PLXDC2: variants seen among roughly 807,000 people sequenced by gnomAD.
The protein encoded by PLXDC2 is plexin domain containing 2, also known as plexin domain-containing protein 2.
Under a neutral mutation model 68.9 loss-of-function variants are expected in PLXDC2, and 40 were observed. The observed-to-expected ratio is 0.58, with a 90% CI of 0.45 to 0.76. PLXDC2 has a LOEUF of 0.76. Among genes scored for constraint, PLXDC2 ranks in the 30% least tolerant of loss-of-function variants. PLXDC2 has a pLI of 0.00. For missense variants in PLXDC2, 644 were observed against 661.9 expected (o/e 0.97, Z 0.30); for synonymous variants, 243 against 234.2 (o/e 1.04, Z -0.34).
chr10:20,023,606 G>A (rs1244004027), intron 2 of PLXDC2, among the ~76,000 whole-genome samples: 2 of 151,896 alleles, frequency 1.3e-5, no homozygotes, highest in Non-Finnish European at 2.9e-5. Flanking sequence ...ATCAAATGCT[G>A]CCCCTTCCAT....
At position 20,180,041 on chromosome 10, in the gene PLXDC2, C is replaced by G. The variant is rs181582449; in HGVS notation, c.1061+2632C>G. ...GTAGACATATTACTGAAAAATAAAT[C>G]TTTCCTAGTTGATACCACAAGAAAG... On this transcript the variant is annotated intron_variant, in intron 9 of 13. Transcript: ENST00000377252. Among the ~76,000 whole-genome samples, 3 of 151,986 alleles carry G rather than the reference C, an allele frequency of 2.0e-5. No homozygotes were observed. In the East Asian group the frequency reaches 5.9e-4, roughly 30 times the overall value.
At chr10:19,852,612 T>C (rs1196649058) in intron 1 of PLXDC2, among the ~76,000 whole-genome samples, 1 of 152,150 alleles carries the variant, frequency 6.6e-6, no homozygotes, top group African/African-American at 2.4e-5. Context: ...CCACCTCATA[T>C]TCCACAAAGT....
chr10:20,016,776 G>A (rs771783321), intron 2 of PLXDC2, among the ~76,000 whole-genome samples: 1 of 152,196 alleles, frequency 6.6e-6, no homozygotes, highest in Non-Finnish European at 1.5e-5. Flanking sequence ...TGTCTTGGAT[G>A]AGTTACAGAC....
intron 1 of PLXDC2, among the ~76,000 whole-genome samples, chr10:19,989,693 A>T (rs142065818): frequency 2.4e-3 from 367 of 151,894 alleles, no homozygotes; most frequent in African/African-American, 8.2e-3. Flanking sequence ...TTATATTTTT[A>T]AAAAAGTATT....
At chr10:20,244,368 T>C (rs963020973) in intron 12 of PLXDC2, among the ~76,000 whole-genome samples, 3 of 152,186 alleles carry the variant, frequency 2.0e-5, no homozygotes, top group African/African-American at 4.8e-5. Context: ...ATTCCTCCCT[T>C]TGCTAATTCA....
chr10:20,171,846 G>C (rs1294864911), intron 7 of PLXDC2, among the ~76,000 whole-genome samples: 1 of 151,892 alleles, frequency 6.6e-6, no homozygotes, highest in African/African-American at 2.4e-5. Flanking sequence ...GCAGTGGCTC[G>C]TGCCTGTAAT....
At chr10:20,027,731 A>C (rs1343765339) in intron 2 of PLXDC2, among the ~76,000 whole-genome samples, 1 of 152,074 alleles carries the variant, frequency 6.6e-6, no homozygotes, top group East Asian at 1.9e-4. Context: ...CATCAAATCA[A>C]TGCAGCAGAA....
At chr10:20,150,835 T>C (rs1490205403) in intron 6 of PLXDC2, among the ~76,000 whole-genome samples, 2 of 152,212 alleles carry the variant, frequency 1.3e-5, no homozygotes, top group Non-Finnish European at 2.9e-5. Context: ...TTCTCTGTTC[T>C]TGGTTGGTAT....
intron 4 of PLXDC2, among the ~76,000 whole-genome samples, chr10:20,118,125 CA>C (rs776781030): frequency 0.026 from 4,008 of 151,994 alleles, 76 homozygotes; most frequent in South Asian, 0.071. Context: ...CACACACACA[CA>C]CACACACACA....
intron 1 of PLXDC2, among the ~76,000 whole-genome samples, chr10:19,981,029 A>G (rs558209590): frequency 6.6e-6 from 1 of 152,288 alleles, no homozygotes; most frequent in South Asian, 2.1e-4. Context: ...GTGCTTAATG[A>G]TTTTTGTGAC....
At chr10:20,188,579 G>A (rs908957607) in intron 9 of PLXDC2, among the ~76,000 whole-genome samples, 5 of 151,652 alleles carry the variant, frequency 3.3e-5, no homozygotes, top group Non-Finnish European at 7.4e-5. Flanking sequence ...GATCTTGTAT[G>A]TCTGAGCTAA....
chr10:19,925,990 T>C (rs1157334590), intron 1 of PLXDC2, among the ~76,000 whole-genome samples: 3 of 152,202 alleles, frequency 2.0e-5, no homozygotes, highest in Non-Finnish European at 2.9e-5. Context: ...GCTCAATGTA[T>C]CCACATGGAG....
At chr10:20,088,225 C>T (rs1833227085) in intron 4 of PLXDC2, among the ~76,000 whole-genome samples, 1 of 152,114 alleles carries the variant, frequency 6.6e-6, no homozygotes, top group Non-Finnish European at 1.5e-5. Context: ...CCTAATGCTG[C>T]AATTTCTGTG....
At chr10:20,014,358 CCTTCCTTCCTTCCTTCCTTCCTTG>C (rs1318983187) in intron 2 of PLXDC2, among the ~76,000 whole-genome samples, 24 of 67,316 alleles carry the variant, frequency 3.6e-4, no homozygotes, top group Admixed American at 5.1e-4. Context: ...CCTTCCCTTT[CCTTCCTTCCTTCCTTCCTTCCTTG>C]CTTCCTTCCT....
intron 1 of PLXDC2, among the ~76,000 whole-genome samples, chr10:19,855,097 C>T (rs1837188434): frequency 6.6e-6 from 1 of 152,182 alleles, no homozygotes; most frequent in East Asian, 1.9e-4. Context: ...ATATATCCAA[C>T]AAGCCTAGAA....
At chr10:20,219,161 T>G in intron 12 of PLXDC2, 59 bp downstream of exon 12, 1 of 1,535,028 alleles carries the variant, frequency 6.5e-7, no homozygotes, top group Non-Finnish European at 8.9e-7. Flanking sequence ...ATTTCATTTA[T>G]TTTACTATGA....
rs869124443 is a variant in PLXDC2 at position 19,994,312 on chromosome 10, A to ATTTTTTTTTTTT, written c.113-7446_113-7435dup. 2.7e-3 allele frequency among the ~76,000 whole-genome samples: 94 copies of ATTTTTTTTTTTT among 34,320 alleles called. 1 individual carries two copies. The highest frequency in any genetic ancestry group is 3.5e-3 in the Non-Finnish European group (70 of 20,214). The allele number at this position is 34,320 out of a possible 152,430, so 22.5% of individuals were successfully genotyped here. On this transcript the variant is annotated intron_variant, in intron 1 of 13. Coordinates refer to ENST00000377252, the MANE Select transcript of PLXDC2 (RefSeq NM_032812.9). ...TCTGACTACTTGGAAACATGATTAA[A>ATTTTTTTTTTTT]TTTTTTTTTTTTTTTTTTTTTTTTT...
intron 4 of PLXDC2, among the ~76,000 whole-genome samples, chr10:20,072,481 C>CAAAGAAAGAGAAAG (rs1564304691): frequency 1.4e-5 from 1 of 72,602 alleles, no homozygotes; most frequent in Non-Finnish European, 3.4e-5. Flanking sequence ...AAAGAAGGAA[C>CAAAGAAAGAGAAAG]AAAGAAAGAA....
intron 2 of PLXDC2, among the ~76,000 whole-genome samples, chr10:20,046,457 A>C (rs1373481738): frequency 3.9e-5 from 6 of 152,130 alleles, no homozygotes; most frequent in African/African-American, 1.2e-4. Context: ...ACAAGGCAAA[A>C]TCAATTTAGA....
Sources: gnomAD v4.1 joint callset for allele counts (sites outside exome capture counted in the v4.1 genomes callset) on GRCh38, gnomAD v4.1.1 for gene constraint, MANE v1.5 for transcripts, NCBI Gene and HGNC (gene_info 2026-07-23, HGNC 2026-07-21) for gene names.